Variants in PEX1 observed in about 807,000 individuals in gnomAD.
PEX1 encodes the protein peroxisomal ATPase PEX1.
Under a neutral mutation model 152.5 loss-of-function variants are expected in PEX1, and 97 were observed. The ratio of observed to expected loss-of-function variants is 0.64; its 90% CI spans 0.54 to 0.75. PEX1 has a LOEUF of 0.75. Ranked by LOEUF, PEX1 falls within the 30% of genes least tolerant of loss-of-function variation. The pLI is 0.00. For missense variants in PEX1, 1,357 were observed against 1,516.3 expected, an observed-to-expected ratio of 0.89 and a Z score of 1.74; for synonymous variants, 485 against 531.6, an observed-to-expected ratio of 0.91 and a Z score of 1.21.
At chr7:92,494,433 A>T in intron 18 of PEX1, 37 bp from the exon 19 acceptor site, 1 of 1,610,928 alleles carries the variant, frequency 6.2e-7, no homozygotes, top group Non-Finnish European at 8.5e-7. Flanking sequence ...CCAAAATCTG[A>T]TGACATGATG....
At chr7:92,501,431 G>A in intron 15 of PEX1, 76 bp downstream of exon 15, 1 of 1,206,680 alleles carries the variant, frequency 8.3e-7, no homozygotes, top group Admixed American at 1.7e-5. Flanking sequence ...TGGGCAAGCT[G>A]ACACATAAAG....
rs1792228135 is a variant in PEX1, at chr7:92,507,081, G to T, written c.1716C>A (p.His572Gln). 6.2e-7 allele frequency: 1 copy of T among 1,613,752 alleles called. No individual in the cohort carries two copies. The highest frequency in any genetic ancestry group is 1.1e-5 in the South Asian group (1 of 91,076). The change falls in exon 10 of 24, where the codon CAC becomes CAA. Residue 572 changes from histidine to glutamine, a missense_variant. Coordinates refer to ENST00000248633, the MANE Select transcript of PEX1 (RefSeq NM_000466.3). ...GAGACAAAGGGCGTCCCAGGAGGCT[G>T]TGAGTGATGTGCTCCAAGGAGGATA... is the stretch of plus-strand genomic sequence containing the variant. ...LGVSSLEHIT[H>Q]SLLGRPLSRQ...
At chr7:92,507,503 G>A (rs1792258544) in intron 9 of PEX1, 2 of 227,186 alleles carry the variant, frequency 8.8e-6, no homozygotes, top group South Asian at 5.9e-5. Flanking sequence ...CATCTGCCTC[G>A]GCCCCACAAA....
intron 5 of PEX1, among the ~76,000 whole-genome samples, chr7:92,515,097 A>ATCTATATC (rs1792675528): frequency 2.1e-4 from 1 of 4,786 alleles, no homozygotes; most frequent in African/African-American, 7.8e-4. Context: ...ATATATATAT[A>ATCTATATC]TATATATATA....
At chr7:92,518,867 G>T in intron 3 of PEX1, 128 bp downstream of exon 3, 1 of 752,482 alleles carries the variant, frequency 1.3e-6, no homozygotes, top group African/African-American at 1.7e-5. Context: ...ACTGTGCCTG[G>T]CCCCAATTCA....
At position 92,513,883 on chromosome 7, in the gene PEX1, G is replaced by A. The variant is rs560969584; in HGVS notation, c.1324C>T (p.Pro442Ser). Residue 442 changes from proline (P) to serine (S), a missense_variant, in exon 6 of 24, where the codon CCA becomes TCA. By Grantham distance (74) the Pro-to-Ser change is moderately conservative (BLOSUM62 -1). Transcript: ENST00000248633. ...ITPVEVTPKI[P>S]RSLKLQPREN... ...CTAGGTTGTAACTTTAGAGATCTTG[G>A]AATTTTAGGGGTAACTTCCACTGGA... 1.3e-4 allele frequency: 202 copies of A among 1,601,868 alleles called. 1 individual carries two copies. In the South Asian group the frequency reaches 2.1e-3, roughly 17 times the overall value.
intron 5 of PEX1, 23 bp downstream of exon 5, chr7:92,517,253 C>T: frequency 6.3e-7 from 1 of 1,586,126 alleles, no homozygotes; most frequent in East Asian, 2.2e-5. Flanking sequence ...AAATTTCTCC[C>T]AAGTTATAAA....
intron 1 of PEX1, among the ~76,000 whole-genome samples, chr7:92,524,985 C>T (rs1793202549): frequency 1.3e-5 from 2 of 152,056 alleles, no homozygotes; most frequent in Admixed American, 6.5e-5. Context: ...GAAACTCTAC[C>T]AGCTCACTGA....
At chr7:92,487,929 G>A (rs1298810549) in intron 23 of PEX1, among the ~76,000 whole-genome samples, 2 of 152,108 alleles carry the variant, frequency 1.3e-5, no homozygotes, top group African/African-American at 4.8e-5. Context: ...CAGGCAATTT[G>A]GCAATACATT....
chr7:92,494,931 C>A (rs574240549), intron 17 of PEX1, among the ~76,000 whole-genome samples: 1 of 151,908 alleles, frequency 6.6e-6, no homozygotes, highest in Non-Finnish European at 1.5e-5. Context: ...TTTATTAAGA[C>A]CCATGCCTTC....
chr7:92,491,173 A>C, intron 21 of PEX1, 99 bp downstream of exon 21: 1 of 810,070 alleles, frequency 1.2e-6, no homozygotes, highest in South Asian at 1.4e-5. Flanking sequence ...ACCAACCAGG[A>C]AGAATATGTG....
intron 19 of PEX1, chr7:92,493,448 A>G (rs1791463743): frequency 5.8e-6 from 1 of 172,556 alleles, no homozygotes; most frequent in Non-Finnish European, 1.2e-5. Context: ...AGCCTGGGCA[A>G]CACAGGGAGA....
chr7:92,527,615 T>C (rs557618780), intron 1 of PEX1, among the ~76,000 whole-genome samples: 1 of 152,368 alleles, frequency 6.6e-6, no homozygotes, highest in Non-Finnish European at 1.5e-5. Context: ...CGCCGTCCTT[T>C]TGCCCCCATA....
At chr7:92,525,295 G>C (rs1403192360) in intron 1 of PEX1, among the ~76,000 whole-genome samples, 4 of 152,164 alleles carry the variant, frequency 2.6e-5, no homozygotes, top group African/African-American at 4.8e-5. Context: ...AGTATTACCA[G>C]GAAATCTGCA....
In PEX1 at chr7:92,504,696, A is replaced by C. The variant is rs199853445; in HGVS notation, c.2071+36T>G. On this transcript the variant is annotated intron_variant, in intron 12 of 23. Coordinates refer to ENST00000248633, the MANE Select transcript of PEX1 (RefSeq NM_000466.3). Reference sequence around the variant, plus strand: ...AAGACTAAAAATGCTGACTGACAAAAGAACAAGACCTTAAGCCAGTGGTGG... The same window carrying C: ...AAGACTAAAAATGCTGACTGACAAACGAACAAGACCTTAAGCCAGTGGTGG... The C allele has an allele frequency of 1.7e-5, 27 of 1,603,760 alleles. No individual in the cohort carries two copies. The African/African-American group carries it at 3.5e-4, about 21-fold the overall frequency.
In PEX1 at chr7:92,501,685, TAAAC is replaced by T. The variant is rs1350018099; in HGVS notation, c.2417-16_2417-13del. 1 of 1,605,934 alleles carries T rather than the reference TAAAC, an allele frequency of 6.2e-7. No homozygotes were observed. The highest frequency in any genetic ancestry group is 8.5e-7 in the Non-Finnish European group (1 of 1,172,938). ...TGTTAAAACTAATTCTGTTTAAAAATAAACAAAACTTCTTTTACTAGTTATATTC... is the reference window on the plus strand; with the variant it reads ...TGTTAAAACTAATTCTGTTTAAAAATAAAACTTCTTTTACTAGTTATATTC... On this transcript the variant is annotated splice_polypyrimidine_tract_variant and intron_variant, in intron 14 of 23. Coordinates refer to ENST00000248633, the MANE Select transcript of PEX1 (RefSeq NM_000466.3).
At chr7:92,528,136 G>A (rs1051724694) in intron 1 of PEX1, among the ~76,000 whole-genome samples, 171 bp downstream of exon 1, 7 of 152,266 alleles carry the variant, frequency 4.6e-5, no homozygotes, top group African/African-American at 1.7e-4. Flanking sequence ...GGCTGCACTG[G>A]ACTTGTGGGA....
In PEX1 at chr7:92,517,723, A is replaced by G. The variant is rs768898755; in HGVS notation, c.792T>C (p.Ser264=). The change falls in exon 5 of 24, where the codon TCT becomes TCC. Residue 264 remains serine (S), a synonymous_variant. Coordinates refer to ENST00000248633, the MANE Select transcript of PEX1 (RefSeq NM_000466.3). ...SFQSEKKQET[S]WGLTEINAFK... Reference sequence around the variant, plus strand: ...ATGCATTGATTTCAGTTAAACCCCAAGATGTCTCTTGTTTCTTCTCAGATT... The same window carrying G: ...ATGCATTGATTTCAGTTAAACCCCAGGATGTCTCTTGTTTCTTCTCAGATT... 1.1e-5 allele frequency: 17 copies of G among 1,611,750 alleles called. No individual in the cohort carries two copies. In the South Asian group the frequency reaches 1.6e-4, roughly 16 times the overall value.
chr7:92,487,523 ATTTTGAAAGC>A lies in PEX1; in HGVS notation c.3776_3785del (p.Ser1259IlefsTer19), dbSNP rs1242497858. The A allele has an allele frequency of 2.5e-6, 4 of 1,576,884 alleles. No individual in the cohort carries two copies. The highest frequency in any genetic ancestry group is 2.6e-6 in the Non-Finnish European group (3 of 1,148,680). ...CACTTTGATTTTTTCTCCTCTTTGG[ATTTTGAAAGC>A]TTTCATATCTGAAAAAAGAAAGAGA... On this transcript the variant is annotated frameshift_variant, in exon 24 of 24. Transcript: ENST00000248633. LOFTEE classifies it high-confidence loss of function.
Sources: gnomAD v4.1 joint callset for allele counts (sites outside exome capture counted in the v4.1 genomes callset) on GRCh38, gnomAD v4.1.1 for gene constraint, MANE v1.5 for transcripts, NCBI Gene and HGNC (gene_info 2026-07-23, HGNC 2026-07-21) for gene names.